The following TLE3 variants were observed in gnomAD, a reference collection of about 807,000 sequenced individuals.
TLE3 encodes transducin-like enhancer protein 3.
Under a neutral mutation model 93.0 loss-of-function variants are expected in TLE3, and 14 were observed. That is an observed-to-expected ratio of 0.15 (90% confidence interval 0.10 to 0.24). The LOEUF is 0.24. Among genes scored for constraint, TLE3 ranks in the 10% least tolerant of loss-of-function variants. TLE3 has a pLI of 1.00. For synonymous variants in TLE3, 451 were observed against 425.0 expected, an observed-to-expected ratio of 1.06 and a Z score of -0.75; for missense variants, 693 against 1,046.6, an observed-to-expected ratio of 0.66 and a Z score of 4.66.
At chr15:70,064,904 TAAAA>T (rs36022217) in intron 7 of TLE3, among the ~76,000 whole-genome samples, 5 of 137,946 alleles carry the variant, frequency 3.6e-5, no homozygotes, top group Admixed American at 7.2e-5. Flanking sequence ...ACTTTATTGT[TAAAA>T]AAAAAAAAAA....
At chr15:70,095,708 A>G (rs2058521904) in intron 2 of TLE3, 67 bp from the exon 3 acceptor site, 1 of 1,526,792 alleles carries the variant, frequency 6.5e-7, no homozygotes, top group Non-Finnish European at 8.8e-7. Flanking sequence ...CCCCGACCCA[A>G]GGGCCTCTAG....
In TLE3 at chr15:70,052,969, C is replaced by T. The variant is rs139692625; in HGVS notation, c.1974+258G>A. 1.4e-3 allele frequency: 628 copies of T among 455,956 alleles called. 5 individuals carry two copies. Among genetic ancestry groups the T allele is most frequent in the African/African-American group, 0.011 (584 of 51,360 alleles). The allele number at this position is 455,956 out of a possible 1,614,324, so 28.2% of individuals were successfully genotyped here. A position where few individuals can be genotyped will look rare whatever the true frequency, so the allele number is the denominator to read the frequency against. ...ATTTCCATCTTGTGAATGAGGACGCCGAGGACAAAGTGCTCAATAGCAGCA... is the reference window on the plus strand; with the variant it reads ...ATTTCCATCTTGTGAATGAGGACGCTGAGGACAAAGTGCTCAATAGCAGCA... On this transcript the variant is annotated intron_variant, in intron 17 of 19. Transcript: ENST00000451782.
chr15:70,064,904 T>TAAAA (rs36022217), intron 7 of TLE3, among the ~76,000 whole-genome samples: 1 of 137,944 alleles, frequency 7.2e-6, no homozygotes, highest in African/African-American at 2.7e-5. Flanking sequence ...ACTTTATTGT[T>TAAAA]AAAAAAAAAA....
At position 70,050,080 on chromosome 15, in the gene TLE3, C is replaced by A; in HGVS notation, c.*17G>T. ...TCGGTTTCTCCCAGAGTTTGACAGC[C>A]CTGCTGGAGTTCTTGTTTAGTAGAT... is the stretch of plus-strand genomic sequence containing the variant. On this transcript the variant is annotated 3_prime_UTR_variant, in exon 20 of 20. Transcript: ENST00000451782. 1 of 1,605,692 alleles carries A rather than the reference C, an allele frequency of 6.2e-7. No individual in the cohort carries two copies. Among genetic ancestry groups the A allele is most frequent in the South Asian group, 1.1e-5 (1 of 90,892 alleles).
Position 70,060,558 on chromosome 15 carries a change from G to A in TLE3, c.686C>T (p.Ala229Val), listed in dbSNP as rs1057864. 49 of 1,613,804 alleles carry A rather than the reference G, an allele frequency of 3.0e-5. No individual in the cohort carries two copies. The highest frequency in any genetic ancestry group is 4.5e-5 in the East Asian group (2 of 44,888). Reference sequence around the variant, plus strand: ...TCGGCTCAAGCTGTCCTTCTCCTCCGCCTTCCGCTTCTTGGCTTCCATGCT... The same window carrying A: ...TCGGCTCAAGCTGTCCTTCTCCTCCACCTTCCGCTTCTTGGCTTCCATGCT... The part of the protein sequence containing the change: ...DYSMEAKKRK[A>V]EEKDSLSRYD... Residue 229 changes from alanine to valine, a missense_variant, in exon 9 of 20, where the codon GCG (alanine) becomes GTG (valine). Around this residue, in one of 4 missense-constraint regions of TLE3, gnomAD observed 405 missense variants for 468.9 expected, o/e 0.86. Coordinates refer to ENST00000451782, the MANE Select transcript of TLE3 (RefSeq NM_001105192.3).
chr15:70,057,869 T>C (rs2056185923), intron 12 of TLE3: 2 of 722,200 alleles, frequency 2.8e-6, no homozygotes, highest in Admixed American at 2.9e-5. Context: ...CAGAGCAGGA[T>C]ATGGAGGCCC....
intron 13 of TLE3, among the ~76,000 whole-genome samples, chr15:70,056,733 C>G (rs373941261): frequency 6.6e-6 from 1 of 152,122 alleles, no homozygotes; most frequent in South Asian, 2.1e-4. Flanking sequence ...TGAAAAAGGG[C>G]CCCTCTCCCC....
At chr15:70,057,224 A>G (rs1656996337) in intron 13 of TLE3, among the ~76,000 whole-genome samples, 1 of 152,204 alleles carries the variant, frequency 6.6e-6, no homozygotes, top group African/African-American at 2.4e-5. Context: ...GCTGCCTTGC[A>G]TGAGGTCACA....
At position 70,097,003 on chromosome 15, in the gene TLE3, CAA is replaced by C; in HGVS notation, c.-207_-206del. ...AGACAAAGAGCCGCGGAGCAGGCGG[CAA>C]AGTCGTCGGCGGGCGCCGGGGCCGG... On this transcript the variant is annotated 5_prime_UTR_variant, in exon 1 of 20. Transcript: ENST00000451782. 1 of 641,770 alleles carries C rather than the reference CAA, an allele frequency of 1.6e-6. No individual in the cohort carries two copies. Among genetic ancestry groups the C allele is most frequent in the African/African-American group, 2.0e-5 (1 of 50,776 alleles). 39.8% of individuals were successfully genotyped at this position (641,770 alleles called of 1,614,324 possible).
chr15:70,076,140 G>A lies in TLE3; in HGVS notation c.253C>T (p.Leu85=), dbSNP rs1567029296. Residue 85 remains leucine (L), a synonymous_variant, in exon 5 of 20, where the codon CTG becomes TTG. Coordinates refer to ENST00000451782, the MANE Select transcript of TLE3 (RefSeq NM_001105192.3). The part of the protein sequence containing the change: ...MHKQTEIAKR[L]NTILAQIMPF... Reference sequence around the variant, plus strand: ...ATGATCTGTGCTAAAATTGTGTTCAGTCTCTTCGCAATCTCTGTCTGCAAA... The same window carrying A: ...ATGATCTGTGCTAAAATTGTGTTCAATCTCTTCGCAATCTCTGTCTGCAAA... The A allele has an allele frequency of 6.2e-7, 1 of 1,614,006 alleles. No homozygotes were observed. Among genetic ancestry groups the A allele is most frequent in the Admixed American group, 1.7e-5 (1 of 60,032 alleles).
At chr15:70,086,960 G>A (rs1255322254) in intron 4 of TLE3, among the ~76,000 whole-genome samples, 2 of 152,186 alleles carry the variant, frequency 1.3e-5, no homozygotes, top group Non-Finnish European at 2.9e-5. Context: ...TTTAAATAAA[G>A]GCTCATGACA....
chr15:70,076,193 AAAT>A, intron 4 of TLE3, 35 bp from the exon 5 acceptor site: 1 of 1,605,450 alleles, frequency 6.2e-7, no homozygotes. Context: ...AAGCTCAGGC[AAAT>A]AAATCAAGTC....
rs2056284655 is a variant in TLE3 at position 70,058,972 on chromosome 15, C to T, written c.766-157G>A. 6.6e-6 allele frequency among the ~76,000 whole-genome samples: 1 copy of T among 152,192 alleles called. No homozygotes were observed. On this transcript the variant is annotated intron_variant, in intron 10 of 19. Transcript: ENST00000451782. This position sits in a 1 kb window ranked among gnomAD's most constrained non-coding sequence, Gnocchi z 4.1. ...CAGTGAGGAAAAACTAGCTCTTAACCATCTGGTCTGACTGAGGCCTAGGGA... is the reference window on the plus strand; with the variant it reads ...CAGTGAGGAAAAACTAGCTCTTAACTATCTGGTCTGACTGAGGCCTAGGGA...
chr15:70,092,840 A>G (rs1274842015), intron 4 of TLE3, among the ~76,000 whole-genome samples: 1 of 152,246 alleles, frequency 6.6e-6, no homozygotes, highest in Admixed American at 6.5e-5. Context: ...TGCAGACCTC[A>G]ACATGCAACG....
chr15:70,058,228 T>C lies in TLE3; in HGVS notation c.982A>G (p.Thr328Ala), dbSNP rs2056218404. ...NTPTPRNDAP[T>A]PGTSTTPGLR... is the part of the protein sequence containing the mutation. Reference sequence around the variant, plus strand: ...CCTGGGGTCGTGCTGGTGCCTGGAGTTGGGGCGTCGTTCCTTGGGGTTGGT... The same window carrying C: ...CCTGGGGTCGTGCTGGTGCCTGGAGCTGGGGCGTCGTTCCTTGGGGTTGGT... Residue 328 changes from threonine (T) to alanine (A), a missense_variant, in exon 12 of 20, where the codon ACT becomes GCT. Thr to Ala is a moderately conservative substitution (Grantham distance 58). This residue lies in a region of TLE3 where 405 missense variants were observed against 468.9 expected (regional missense o/e 0.86). Transcript: ENST00000451782. This position sits in a 1 kb window ranked among gnomAD's most constrained non-coding sequence, Gnocchi z 4.1. 1 of 1,613,476 alleles carries C rather than the reference T, an allele frequency of 6.2e-7. No individual in the cohort carries two copies. Among genetic ancestry groups the C allele is most frequent in the Non-Finnish European group, 8.5e-7 (1 of 1,179,752 alleles).
At chr15:70,061,551 G>A (rs192118356) in intron 8 of TLE3, among the ~76,000 whole-genome samples, 6 of 152,298 alleles carry the variant, frequency 3.9e-5, no homozygotes, top group Admixed American at 1.3e-4. Flanking sequence ...AAATCACCAT[G>A]TGGCTGTTAC....
chr15:70,082,392 A>T (rs555258072), intron 4 of TLE3, among the ~76,000 whole-genome samples: 11 of 152,184 alleles, frequency 7.2e-5, no homozygotes, highest in Non-Finnish European at 1.2e-4. Flanking sequence ...CATCCACGCC[A>T]TGGGCTCTGA....
chr15:70,054,604 T>TGAGCGTGCTGGCCTCGCCGCCCAC lies in TLE3; in HGVS notation c.1636_1659dup (p.Val546_Leu553dup), dbSNP rs1439799825. ...GTGGGCGAGGCCAGGTCCCAGATGG[T>TGAGCGTGCTGGCCTCGCCGCCCAC]GAGCGTGCTGGCCTCGCCGCCCACG... On this transcript the variant is annotated inframe_insertion, in exon 16 of 20. Coordinates refer to ENST00000451782, the MANE Select transcript of TLE3 (RefSeq NM_001105192.3). 1 of 1,613,132 alleles carries TGAGCGTGCTGGCCTCGCCGCCCAC rather than the reference T, an allele frequency of 6.2e-7. No individual in the cohort carries two copies. The highest frequency in any genetic ancestry group is 8.5e-7 in the Non-Finnish European group (1 of 1,179,476).
chr15:70,053,160 G>T, intron 17 of TLE3, 67 bp downstream of exon 17: 5 of 1,539,138 alleles, frequency 3.2e-6, no homozygotes, highest in Non-Finnish European at 4.4e-6. Context: ...CCCTGACCCA[G>T]CCACTGGGGC....
Sources: gnomAD v4.1 joint callset for allele counts (sites outside exome capture counted in the v4.1 genomes callset) on GRCh38, gnomAD v4.1.1 for gene constraint, gnomAD v4.1.1 regional missense constraint, Gnocchi (gnomAD v3.1) non-coding constraint, MANE v1.5 for transcripts, NCBI Gene and HGNC (gene_info 2026-07-23, HGNC 2026-07-21) for gene names.